The following MAP6 variants were observed in gnomAD, a reference collection of about 807,000 sequenced individuals.
MAP6 encodes microtubule-associated protein 6.
A neutral mutation model predicts 42.4 loss-of-function variants in MAP6; 26 were observed. The observed-to-expected ratio is 0.61, with a 90% CI of 0.45 to 0.85. The LOEUF is 0.85. Among genes scored for constraint, MAP6 ranks in the 40% least tolerant of loss-of-function variants. MAP6 has a pLI of 0.00. For synonymous variants in MAP6, 418 were observed against 443.8 expected, an observed-to-expected ratio of 0.94 and a Z score of 0.73; for missense variants, 966 against 1,099.0, an observed-to-expected ratio of 0.88 and a Z score of 1.71.
At chr11:75,610,790 T>G (rs922561598) in intron 1 of MAP6, among the ~76,000 whole-genome samples, 12 of 151,888 alleles carry the variant, frequency 7.9e-5, no homozygotes, top group Admixed American at 5.3e-4. Context: ...TGGGCAGGAC[T>G]TGGAAACTCA....
At chr11:75,645,789 C>A (rs1176971476) in intron 1 of MAP6, among the ~76,000 whole-genome samples, 1 of 151,932 alleles carries the variant, frequency 6.6e-6, no homozygotes, top group African/African-American at 2.4e-5. Flanking sequence ...TACAATTTTA[C>A]TGAATGAGGT....
At chr11:75,599,335 G>C (rs1246234754) in intron 3 of MAP6, among the ~76,000 whole-genome samples, 1 of 152,140 alleles carries the variant, frequency 6.6e-6, no homozygotes, top group African/African-American at 2.4e-5. Context: ...TGCTCAAAAT[G>C]GCAGTCTCAG....
intron 1 of MAP6, among the ~76,000 whole-genome samples, chr11:75,658,398 C>CA (rs1338333987): frequency 1.1e-4 from 6 of 53,212 alleles, no homozygotes; most frequent in South Asian, 7.3e-4. Context: ...ATTTCTCCAC[C>CA]CCCCCCGCCC....
chr11:75,595,299 G>T (rs1942558964), intron 3 of MAP6, among the ~76,000 whole-genome samples: 1 of 152,196 alleles, frequency 6.6e-6, no homozygotes, highest in African/African-American at 2.4e-5. Flanking sequence ...CCCTTTTAGT[G>T]AATGCCCTGC....
intron 3 of MAP6, chr11:75,594,615 G>A (rs1045943738): frequency 2.6e-5 from 4 of 152,216 alleles, no homozygotes; most frequent in African/African-American, 9.6e-5. Flanking sequence ...TTTGCATCAT[G>A]AGTATCTAGC....
intron 1 of MAP6, among the ~76,000 whole-genome samples, chr11:75,654,294 C>T (rs1257295827): frequency 1.3e-5 from 2 of 152,060 alleles, no homozygotes; most frequent in Non-Finnish European, 2.9e-5. Flanking sequence ...TTTAAGTGCC[C>T]TTCTGAATTT....
At chr11:75,609,019 T>C (rs1042115890) in intron 1 of MAP6, among the ~76,000 whole-genome samples, 26 of 152,366 alleles carry the variant, frequency 1.7e-4, no homozygotes, top group Non-Finnish European at 2.9e-4. Flanking sequence ...TGTGTGTGTG[T>C]AGGAGCATCT....
chr11:75,620,208 G>T lies in MAP6; in HGVS notation c.906-11886C>A, dbSNP rs538067496. Among the ~76,000 whole-genome samples the T allele has an allele frequency of 2.0e-5, 3 of 152,294 alleles. No homozygotes were observed. The South Asian group carries it at 6.2e-4, about 32-fold the overall frequency. The stretch of plus-strand genomic sequence containing the variant: ...AAAGAGGCTGGGCATGGTGGCTCAA[G>T]CTTGTAATCCCAGTACTTTGGGAGG... On this transcript the variant is annotated intron_variant, in intron 1 of 3. Transcript: ENST00000304771.
In MAP6 at chr11:75,667,426, C is replaced by T; in HGVS notation, c.905+39G>A. The stretch of plus-strand genomic sequence containing the variant: ...CCGGGCAGCCCGCGGGGAGGGTCTG[C>T]GTGGTGACTCCCCCGCGCTAGCAGC... On this transcript the variant is annotated intron_variant, in intron 1 of 3. Coordinates refer to ENST00000304771, the MANE Select transcript of MAP6 (RefSeq NM_033063.2). This position sits in a 1 kb window ranked among gnomAD's most constrained non-coding sequence, Gnocchi z 5.6. 1 of 1,427,028 alleles carries T rather than the reference C, an allele frequency of 7.0e-7. No homozygotes were observed. Among genetic ancestry groups the T allele is most frequent in the Non-Finnish European group, 9.1e-7 (1 of 1,095,506 alleles). 88.4% of individuals were successfully genotyped at this position (1,427,028 alleles called of 1,614,324 possible). A position where few individuals can be genotyped will look rare whatever the true frequency, so the allele number is the denominator to read the frequency against.
At chr11:75,635,309 T>G (rs1048913992) in intron 1 of MAP6, among the ~76,000 whole-genome samples, 2 of 152,026 alleles carry the variant, frequency 1.3e-5, no homozygotes, top group African/African-American at 4.8e-5. Context: ...TTTATTAAAG[T>G]GAAAAGGGAA....
intron 1 of MAP6, among the ~76,000 whole-genome samples, chr11:75,661,296 T>C (rs961214118): frequency 6.6e-6 from 1 of 152,084 alleles, no homozygotes; most frequent in Non-Finnish European, 1.5e-5. Flanking sequence ...GCCCTTCTTA[T>C]ATAAACTTTT....
intron 1 of MAP6, among the ~76,000 whole-genome samples, chr11:75,652,960 G>A (rs1472861961): frequency 6.6e-6 from 1 of 151,964 alleles, no homozygotes; most frequent in African/African-American, 2.4e-5. Flanking sequence ...GGAACACTCC[G>A]ACTGCCATCC....
intron 1 of MAP6, among the ~76,000 whole-genome samples, chr11:75,652,628 A>T (rs1188625189): frequency 6.6e-6 from 1 of 152,102 alleles, no homozygotes; most frequent in East Asian, 1.9e-4. Context: ...ACCTGAGGTC[A>T]GGATATCGAG....
At chr11:75,601,753 T>C (rs1342103626) in intron 3 of MAP6, among the ~76,000 whole-genome samples, 1 of 151,496 alleles carries the variant, frequency 6.6e-6, no homozygotes, top group Non-Finnish European at 1.5e-5. Flanking sequence ...GCTCTGTCAC[T>C]CTCCAGCCTG....
chr11:75,603,560 G>C, intron 3 of MAP6: 1 of 973,392 alleles, frequency 1.0e-6, no homozygotes, highest in Non-Finnish European at 1.2e-6. Context: ...TAAAGCCTTG[G>C]GTGAGGGTAG....
intron 1 of MAP6, among the ~76,000 whole-genome samples, chr11:75,634,690 G>A (rs1347765950): frequency 1.3e-5 from 2 of 152,148 alleles, no homozygotes; most frequent in Admixed American, 6.5e-5. Context: ...GAGTACCTTC[G>A]CTTGCTTGGA....
intron 1 of MAP6, among the ~76,000 whole-genome samples, chr11:75,661,731 G>T (rs923508528): frequency 1.3e-5 from 2 of 151,946 alleles, no homozygotes; most frequent in African/African-American, 2.4e-5. Flanking sequence ...CATACTTAAT[G>T]ATAAAACTTT....
chr11:75,647,278 C>A (rs1276058717), intron 1 of MAP6, among the ~76,000 whole-genome samples: 1 of 144,152 alleles, frequency 6.9e-6, no homozygotes, highest in Admixed American at 7.3e-5. Flanking sequence ...CCACTGTGCC[C>A]GGCTGAAACT....
chr11:75,646,259 T>C (rs188494504), intron 1 of MAP6, among the ~76,000 whole-genome samples: 60 of 152,192 alleles, frequency 3.9e-4, no homozygotes, highest in African/African-American at 1.4e-3. Flanking sequence ...GAAAACATTA[T>C]TGTCTTTCTA....
Sources: allele counts gnomAD v4.1 joint callset (sites outside exome capture counted in the v4.1 genomes callset), GRCh38; gene constraint gnomAD v4.1.1; non-coding constraint Gnocchi (gnomAD v3.1); transcripts MANE v1.5; gene names NCBI Gene and HGNC (gene_info 2026-07-23, HGNC 2026-07-21).